PDGFRL: variants seen among roughly 807,000 people sequenced by gnomAD.
PDGFRL encodes platelet-derived growth factor receptor-like protein.
PDGFRL carries 46 observed loss-of-function variants against 37.2 expected under a neutral mutation model. The observed-to-expected ratio is 1.24, with a 90% confidence interval of 0.98 to 1.58. PDGFRL has a LOEUF of 1.58. PDGFRL is among the 40% of genes most tolerant of loss of function. The probability of loss-of-function intolerance (pLI) is 0.00; values close to 1 mark genes in which losing one functional copy is unlikely to be tolerated. For synonymous variants in PDGFRL, 251 were observed against 184.3 expected (o/e 1.36, Z -2.93); for missense variants, 692 against 467.6 (o/e 1.48, Z -4.43).
At chr8:17,583,445 C>T (rs1803750435) in intron 1 of PDGFRL, among the ~76,000 whole-genome samples, 2 of 152,196 alleles carry the variant, frequency 1.3e-5, no homozygotes, top group African/African-American at 2.4e-5. Flanking sequence ...AGGAACTTGC[C>T]TCAAGCTCAG....
intron 1 of PDGFRL, among the ~76,000 whole-genome samples, chr8:17,585,403 G>A (rs1157525102): frequency 2.0e-5 from 3 of 152,168 alleles, no homozygotes; most frequent in East Asian, 3.9e-4. Context: ...TGGGTTTTTT[G>A]GAGTGGGGTT....
At chr8:17,607,086 G>T (rs1348841739) in intron 2 of PDGFRL, among the ~76,000 whole-genome samples, 1 of 151,976 alleles carries the variant, frequency 6.6e-6, no homozygotes, top group Admixed American at 6.6e-5. Context: ...ATTGGAAATG[G>T]GGTTTCCTCA....
intron 3 of PDGFRL, among the ~76,000 whole-genome samples, chr8:17,623,651 G>T (rs1225469612): frequency 6.6e-6 from 1 of 152,122 alleles, no homozygotes; most frequent in Non-Finnish European, 1.5e-5. Flanking sequence ...ACGGCGGGCG[G>T]ATCACCTGAG....
intron 1 of PDGFRL, among the ~76,000 whole-genome samples, chr8:17,588,685 C>A (rs143766366): frequency 3.3e-5 from 5 of 152,142 alleles, no homozygotes; most frequent in African/African-American, 1.2e-4. Flanking sequence ...ACGTTAAACA[C>A]AAAATATTTT....
intron 2 of PDGFRL, among the ~76,000 whole-genome samples, chr8:17,605,579 A>G (rs554607426): frequency 6.6e-6 from 1 of 152,320 alleles, no homozygotes; most frequent in South Asian, 2.1e-4. Context: ...AAATGAGATG[A>G]AACGGAGAAT....
At chr8:17,620,406 G>C (rs1804606871) in intron 2 of PDGFRL, among the ~76,000 whole-genome samples, 1 of 152,064 alleles carries the variant, frequency 6.6e-6, no homozygotes, top group Non-Finnish European at 1.5e-5. Context: ...GGTGGTTTTA[G>C]GTTGCAGAGA....
At chr8:17,586,917 T>C (rs1803830675) in intron 1 of PDGFRL, among the ~76,000 whole-genome samples, 1 of 152,216 alleles carries the variant, frequency 6.6e-6, no homozygotes, top group South Asian at 2.1e-4. Flanking sequence ...CCTATTTCTC[T>C]ATAAATTATA....
chr8:17,630,363 T>C (rs1194326668), intron 4 of PDGFRL, among the ~76,000 whole-genome samples: 8 of 152,226 alleles, frequency 5.3e-5, no homozygotes, highest in South Asian at 2.1e-4. Context: ...CATGAAATAC[T>C]TTTTTCCCTG....
intron 2 of PDGFRL, among the ~76,000 whole-genome samples, chr8:17,612,736 A>G (rs1037116119): frequency 1.1e-4 from 17 of 152,222 alleles, no homozygotes; most frequent in Non-Finnish European, 2.9e-5. Flanking sequence ...AAAACTATAA[A>G]TAAGCAAAAA....
chr8:17,621,117 A>G lies in PDGFRL; in HGVS notation c.420A>G (p.Glu140=), dbSNP rs1277949065. 4 of 1,612,242 alleles carry G rather than the reference A, an allele frequency of 2.5e-6. No homozygotes were observed. The African/African-American group carries it at 5.3e-5, about 22-fold the overall frequency. Residue 140 remains glutamate, a synonymous_variant, in exon 3 of 6, where the codon GAA becomes GAG. Coordinates refer to ENST00000251630, the MANE Select transcript of PDGFRL (RefSeq NM_001372073.1). ...ACTCCACCTCGGCAGACACAGGTGA[A>G]TTCAGCTGCTGGGTGCAGCTCTGCA... ...LVNSTSADTG[E]FSCWVQLCSG...
At chr8:17,583,462 CTT>C (rs1289368812) in intron 1 of PDGFRL, among the ~76,000 whole-genome samples, 1 of 152,178 alleles carries the variant, frequency 6.6e-6, no homozygotes, top group South Asian at 2.1e-4. Flanking sequence ...TCAGATGAGA[CTT>C]TGGACTTTTG....
intron 2 of PDGFRL, among the ~76,000 whole-genome samples, chr8:17,602,968 CAA>C (rs1804197612): frequency 6.6e-6 from 1 of 152,174 alleles, no homozygotes; most frequent in Non-Finnish European, 1.5e-5. Context: ...ATTTTACAAA[CAA>C]ATTTTATTTT....
At chr8:17,629,676 C>T (rs537690822) in intron 4 of PDGFRL, among the ~76,000 whole-genome samples, 37 of 152,186 alleles carry the variant, frequency 2.4e-4, no homozygotes, top group Non-Finnish European at 8.8e-5. Context: ...ACTTTGATAT[C>T]GACTTGGTAC....
chr8:17,590,423 A>G (rs572726191), intron 2 of PDGFRL, among the ~76,000 whole-genome samples: 1 of 151,658 alleles, frequency 6.6e-6, no homozygotes, highest in Non-Finnish European at 1.5e-5. Flanking sequence ...AAAAATTCAT[A>G]TTGTGTGGCC....
At chr8:17,596,364 G>C in intron 2 of PDGFRL, 1 of 1,224,118 alleles carries the variant, frequency 8.2e-7, no homozygotes, top group Non-Finnish European at 1.0e-6. Context: ...GCGCCCGCAG[G>C]ACCGGCCCTG....
rs568885218 is a variant in PDGFRL, at chr8:17,622,701, G to A, written c.505+1499G>A. Among the ~76,000 whole-genome samples the A allele has an allele frequency of 2.2e-3, 341 of 152,252 alleles. 1 individual carries two copies. Among genetic ancestry groups the A allele is most frequent in the Admixed American group, 5.2e-3 (79 of 15,288 alleles). On this transcript the variant is annotated intron_variant, in intron 3 of 5. Transcript: ENST00000251630. ...GTGCGTGGAGTAGAATTTATTATGCGAAAAGGAAAGCTCTCAGCAAAAAGA... is the reference window on the plus strand; with the variant it reads ...GTGCGTGGAGTAGAATTTATTATGCAAAAAGGAAAGCTCTCAGCAAAAAGA...
chr8:17,625,547 CAT>C (rs1804717233), intron 3 of PDGFRL, among the ~76,000 whole-genome samples: 1 of 152,052 alleles, frequency 6.6e-6, no homozygotes, highest in Non-Finnish European at 1.5e-5. Context: ...TTGCAGGGGA[CAT>C]GTGTAATCTA....
At chr8:17,622,070 T>C (rs1172488472) in intron 3 of PDGFRL, among the ~76,000 whole-genome samples, 2 of 152,192 alleles carry the variant, frequency 1.3e-5, no homozygotes, top group African/African-American at 4.8e-5. Flanking sequence ...TAAGCCTCAG[T>C]GGACTGCCTC....
intron 3 of PDGFRL, among the ~76,000 whole-genome samples, chr8:17,623,893 T>C (rs1804683419): frequency 7.0e-6 from 1 of 143,792 alleles, no homozygotes; most frequent in Admixed American, 7.0e-5. Context: ...AAATACGGGC[T>C]CTCTTTGAGT....
Sources: gnomAD v4.1 joint callset for allele counts (sites outside exome capture counted in the v4.1 genomes callset) on GRCh38, gnomAD v4.1.1 for gene constraint, MANE v1.5 for transcripts, NCBI Gene and HGNC (gene_info 2026-07-23, HGNC 2026-07-21) for gene names.